RPTOR: variants seen among roughly 807,000 people sequenced by gnomAD.
RPTOR encodes the protein regulatory associated protein of MTOR complex 1, also known as regulatory-associated protein of mTOR.
In RPTOR, 21 loss-of-function variants were observed where a neutral mutation model predicts 169.9. That is an observed-to-expected ratio of 0.12 (90% CI 0.09 to 0.18). RPTOR has a LOEUF of 0.18. Ranked by LOEUF, RPTOR falls within the 10% of genes least tolerant of loss-of-function variation. The probability of loss-of-function intolerance (pLI) is 1.00; values close to 1 mark genes in which losing one functional copy is unlikely to be tolerated. For synonymous variants in RPTOR, 732 were observed against 753.2 expected (o/e 0.97, Z 0.46); for missense variants, 1,133 against 1,855.9 (o/e 0.61, Z 7.16).
intron 32 of RPTOR, 111 bp from the exon 33 acceptor site, chr17:80,962,817 C>A: frequency 6.5e-7 from 1 of 1,537,876 alleles, no homozygotes; most frequent in Non-Finnish European, 8.8e-7. Context: ...TGCCCCGAGC[C>A]AGCCTGTCCC....
intron 1 of RPTOR, among the ~76,000 whole-genome samples, chr17:80,554,995 C>T (rs933620113): frequency 6.6e-6 from 1 of 151,970 alleles, no homozygotes; most frequent in Non-Finnish European, 1.5e-5. Context: ...CTGTTTTAAC[C>T]TTCAATACGG....
chr17:80,884,898 G>T, intron 16 of RPTOR, 110 bp from the exon 17 acceptor site: 1 of 1,398,362 alleles, frequency 7.2e-7, no homozygotes. Context: ...GAGAGCTGTT[G>T]AGCAAGCGCC....
intron 20 of RPTOR, among the ~76,000 whole-genome samples, chr17:80,900,719 G>T (rs2068466016): frequency 6.6e-6 from 1 of 152,202 alleles, no homozygotes; most frequent in Non-Finnish European, 1.5e-5. Flanking sequence ...CCTGGCCCAT[G>T]CTCCATGGGG....
At chr17:80,829,384 C>A (rs777874357) in intron 9 of RPTOR, among the ~76,000 whole-genome samples, 1 of 152,176 alleles carries the variant, frequency 6.6e-6, no homozygotes, top group Non-Finnish European at 1.5e-5. Context: ...CTCTGCGGGG[C>A]GGTTTTGGCC....
At chr17:80,930,511 T>C (rs62068527) in intron 24 of RPTOR, among the ~76,000 whole-genome samples, 15,513 of 66,544 alleles carry the variant, frequency 0.23, 1,683 homozygotes, top group African/African-American at 0.33. Flanking sequence ...CCTCAGCTCA[T>C]CTTCAGCTTA....
intron 1 of RPTOR, among the ~76,000 whole-genome samples, chr17:80,587,427 T>C (rs2065070757): frequency 6.6e-6 from 1 of 152,230 alleles, no homozygotes; most frequent in African/African-American, 2.4e-5. Flanking sequence ...CCAGTGTGTG[T>C]GTATGATGAA....
chr17:80,912,744 GC>G (rs1276222838), intron 21 of RPTOR, among the ~76,000 whole-genome samples: 2 of 152,184 alleles, frequency 1.3e-5, no homozygotes, highest in Non-Finnish European at 2.9e-5. Context: ...ACCTGCGTCT[GC>G]CTTTCATGTT....
In RPTOR at chr17:80,961,459, A is replaced by G; in HGVS notation, c.3671A>G (p.Asp1224Gly). The G allele has an allele frequency of 6.4e-7, 1 of 1,551,050 alleles. No individual in the cohort carries two copies. Among genetic ancestry groups the G allele is most frequent in the South Asian group, 1.2e-5 (1 of 84,114 alleles). ...VVKASLQKRP[D>G]GHIVSVSVNG... ...AAGGCCTCCCTGCAGAAGCGTCCCGACGGCCACATCGTGAGTGTGAGGTGA... is the reference window on the plus strand; with the variant it reads ...AAGGCCTCCCTGCAGAAGCGTCCCGGCGGCCACATCGTGAGTGTGAGGTGA... Residue 1224 changes from aspartate to glycine, a missense_variant, in exon 31 of 34, where the codon GAC (aspartate) becomes GGC (glycine). Asp to Gly is a moderately conservative substitution (Grantham distance 94). Coordinates refer to ENST00000306801, the MANE Select transcript of RPTOR (RefSeq NM_020761.3).
chr17:80,843,655 T>A (rs1419887346), intron 10 of RPTOR, among the ~76,000 whole-genome samples: 1 of 151,752 alleles, frequency 6.6e-6, no homozygotes, highest in Non-Finnish European at 1.5e-5. Flanking sequence ...GAACTTTAAG[T>A]CCCCTCTTTA....
chr17:80,558,164 G>A (rs1488867281), intron 1 of RPTOR, among the ~76,000 whole-genome samples: 2 of 152,138 alleles, frequency 1.3e-5, no homozygotes, highest in Non-Finnish European at 2.9e-5. Context: ...AGCCGGGCAT[G>A]GTGGCATGTG....
At chr17:80,572,189 C>T (rs1026806665) in intron 1 of RPTOR, among the ~76,000 whole-genome samples, 1 of 152,126 alleles carries the variant, frequency 6.6e-6, no homozygotes. Flanking sequence ...CCTTGACCTC[C>T]CACGGTCAGG....
Position 80,892,955 on chromosome 17 carries a change from G to T in RPTOR, c.2242+86G>T, listed in dbSNP as rs963530623. ...ACTGTATCTGAGTAAGCACCACTCTGCCCCTGCCCCTTCGTCTAAGTGCGT... is the reference window on the plus strand; with the variant it reads ...ACTGTATCTGAGTAAGCACCACTCTTCCCCTGCCCCTTCGTCTAAGTGCGT... On this transcript the variant is annotated intron_variant, in intron 19 of 33. Coordinates refer to ENST00000306801, the MANE Select transcript of RPTOR (RefSeq NM_020761.3). 5 of 1,484,508 alleles carry T rather than the reference G, an allele frequency of 3.4e-6. No individual in the cohort carries two copies. In the African/African-American group the frequency reaches 5.6e-5, roughly 17 times the overall value. 92.0% of individuals were successfully genotyped at this position (1,484,508 alleles called of 1,614,324 possible). A position where few individuals can be genotyped will look rare whatever the true frequency, so the allele number is the denominator to read the frequency against.
intron 6 of RPTOR, among the ~76,000 whole-genome samples, chr17:80,781,689 C>T (rs368520473): frequency 6.6e-6 from 1 of 152,232 alleles, no homozygotes; most frequent in Non-Finnish European, 1.5e-5. Context: ...GCCCATTTGA[C>T]TAAATTTCGA....
chr17:80,661,345 C>T (rs966157445), intron 3 of RPTOR, among the ~76,000 whole-genome samples: 21 of 151,904 alleles, frequency 1.4e-4, no homozygotes, highest in African/African-American at 4.4e-4. Context: ...ATTGCAGAGT[C>T]GGAGCCGGAG....
chr17:80,733,952 C>T (rs2066413751), intron 5 of RPTOR, among the ~76,000 whole-genome samples: 1 of 152,082 alleles, frequency 6.6e-6, no homozygotes, highest in African/African-American at 2.4e-5. Flanking sequence ...TTTCTTCTGC[C>T]TTTTTTCTTT....
intron 5 of RPTOR, among the ~76,000 whole-genome samples, chr17:80,732,878 G>A (rs1396901737): frequency 2.6e-5 from 4 of 152,086 alleles, no homozygotes; most frequent in Non-Finnish European, 5.9e-5. Flanking sequence ...CAAATTCTTT[G>A]TAAATTTACA....
intron 9 of RPTOR, among the ~76,000 whole-genome samples, chr17:80,831,075 T>C (rs1049760647): frequency 6.6e-6 from 1 of 152,184 alleles, no homozygotes; most frequent in East Asian, 1.9e-4. Flanking sequence ...AGCTCTTTGC[T>C]TCCCAGCGGA....
intron 5 of RPTOR, among the ~76,000 whole-genome samples, chr17:80,742,721 CACAT>C (rs2066495879): frequency 6.6e-6 from 1 of 152,030 alleles, no homozygotes; most frequent in African/African-American, 2.4e-5. Flanking sequence ...CACACCCACA[CACAT>C]ACACATGCAT....
At chr17:80,585,844 C>G (rs1204801280) in intron 1 of RPTOR, among the ~76,000 whole-genome samples, 3 of 152,170 alleles carry the variant, frequency 2.0e-5, no homozygotes, top group Non-Finnish European at 4.4e-5. Flanking sequence ...TAAACCAATT[C>G]TGTAGTGGCT....
Sources: gnomAD v4.1 joint callset for allele counts (sites outside exome capture counted in the v4.1 genomes callset) on GRCh38, gnomAD v4.1.1 for gene constraint, MANE v1.5 for transcripts, NCBI Gene and HGNC (gene_info 2026-07-23, HGNC 2026-07-21) for gene names.